DACH2: variants seen among roughly 807,000 people sequenced by gnomAD.
The protein encoded by DACH2 is dachshund homolog 2.
In DACH2, 17 loss-of-function variants were observed where a neutral mutation model predicts 35.8. The ratio of observed to expected loss-of-function variants is 0.48; its 90% CI spans 0.33 to 0.71. The LOEUF is 0.71. DACH2 is among the 30% of genes least tolerant of loss of function. DACH2 has a pLI of 0.02. For missense variants in DACH2, 469 were observed against 472.7 expected, an observed-to-expected ratio of 0.99 and a Z score of 0.07; for synonymous variants, 195 against 177.3, an observed-to-expected ratio of 1.10 and a Z score of -0.79.
intron 9 of DACH2, 105 bp from the exon 10 acceptor site, chrX:86,814,583 C>G: frequency 2.5e-6 from 2 of 805,467 alleles, no homozygotes; most frequent in Non-Finnish European, 3.5e-6. Context: ...TGAAATATTT[C>G]TATATCTCTC....
chrX:86,734,691 A>ATG (rs1427652073), intron 6 of DACH2, among the ~76,000 whole-genome samples: 1 of 111,535 alleles, frequency 9.0e-6, no homozygotes, highest in Non-Finnish European at 1.9e-5. Flanking sequence ...ATAAAGTGTC[A>ATG]TGCTTCCAAT....
intron 7 of DACH2, among the ~76,000 whole-genome samples, chrX:86,788,625 C>A (rs1338206882): frequency 8.9e-6 from 1 of 112,110 alleles, no homozygotes; most frequent in Non-Finnish European, 1.9e-5. Context: ...AGCCACACTT[C>A]AACCTAATGA....
chrX:86,399,128 T>A (rs2036366579), intron 2 of DACH2, among the ~76,000 whole-genome samples: 1 of 112,137 alleles, frequency 8.9e-6, no homozygotes, highest in Admixed American at 9.5e-5. Flanking sequence ...CCCTGTACCA[T>A]TATGTAATGC....
chrX:86,797,396 A>G (rs2042249831), intron 7 of DACH2, among the ~76,000 whole-genome samples: 1 of 111,076 alleles, frequency 9.0e-6, no homozygotes, highest in African/African-American at 3.3e-5. Context: ...GCATAGACAT[A>G]GTTTTATATT....
chrX:86,157,270 G>A (rs2030579427), intron 1 of DACH2, among the ~76,000 whole-genome samples: 1 of 111,430 alleles, frequency 9.0e-6, no homozygotes, highest in Non-Finnish European at 1.9e-5. Flanking sequence ...TATAGCATTC[G>A]ATTGCAATTG....
intron 1 of DACH2, among the ~76,000 whole-genome samples, chrX:86,181,326 C>T (rs1388849169): frequency 2.7e-5 from 3 of 110,815 alleles, no homozygotes; most frequent in African/African-American, 9.9e-5. Flanking sequence ...CTAATGCTAT[C>T]TCTCCCCTAG....
chrX:86,225,451 C>T (rs1362974456), intron 1 of DACH2, among the ~76,000 whole-genome samples: 3 of 110,990 alleles, frequency 2.7e-5, no homozygotes, highest in African/African-American at 9.8e-5. Flanking sequence ...AAGAGATTTT[C>T]CCCTGTTAAT....
chrX:86,707,149 A>G (rs1365432235), intron 5 of DACH2, among the ~76,000 whole-genome samples: 3 of 110,759 alleles, frequency 2.7e-5, no homozygotes, highest in Non-Finnish European at 3.8e-5. Flanking sequence ...CAGAAAATAG[A>G]AGCCATCACT....
intron 2 of DACH2, among the ~76,000 whole-genome samples, chrX:86,494,886 T>C (rs755843130): frequency 2.1e-4 from 24 of 112,674 alleles, no homozygotes; most frequent in Admixed American, 6.6e-4. Context: ...TCACAAATGT[T>C]ACATGTAGTT....
intron 2 of DACH2, among the ~76,000 whole-genome samples, chrX:86,441,131 A>G (rs945487693): frequency 9.0e-6 from 1 of 111,689 alleles, no homozygotes; most frequent in East Asian, 2.8e-4. Flanking sequence ...ACAGGCATAT[A>G]GTGTATAGTA....
chrX:86,202,288 T>G (rs2032176768), intron 1 of DACH2, among the ~76,000 whole-genome samples: 1 of 111,253 alleles, frequency 9.0e-6, no homozygotes, highest in African/African-American at 3.3e-5. Context: ...TATAATACTA[T>G]AGACCTATGT....
chrX:86,662,293 G>C (rs139146397), intron 4 of DACH2, among the ~76,000 whole-genome samples: 1 of 111,280 alleles, frequency 9.0e-6, no homozygotes, highest in African/African-American at 3.3e-5. Context: ...TGGGACAAAG[G>C]CATGTCTATT....
intron 1 of DACH2, among the ~76,000 whole-genome samples, chrX:86,274,970 G>A (rs1238766894): frequency 9.0e-6 from 1 of 111,557 alleles, no homozygotes; most frequent in Non-Finnish European, 1.9e-5. Context: ...TGAGGAAATC[G>A]TCATATGGCC....
intron 2 of DACH2, among the ~76,000 whole-genome samples, chrX:86,462,268 T>C (rs1162924316): frequency 8.9e-6 from 1 of 111,981 alleles, no homozygotes; most frequent in Admixed American, 9.5e-5. Flanking sequence ...TATTTCTCTT[T>C]GATGCATTTT....
intron 7 of DACH2, among the ~76,000 whole-genome samples, chrX:86,775,864 C>A (rs1039625017): frequency 5.4e-5 from 6 of 111,626 alleles, no homozygotes; most frequent in African/African-American, 2.0e-4. Context: ...AAGGACTTTA[C>A]AATTATTAAC....
intron 2 of DACH2, among the ~76,000 whole-genome samples, chrX:86,479,991 C>CA (rs1279498847): frequency 8.9e-6 from 1 of 112,376 alleles, no homozygotes; most frequent in Non-Finnish European, 1.9e-5. Context: ...TTATTTAGTT[C>CA]ATTTTGTGAG....
At chrX:86,535,527 C>A (rs2038785569) in intron 3 of DACH2, among the ~76,000 whole-genome samples, 2 of 110,926 alleles carry the variant, frequency 1.8e-5, no homozygotes, top group Admixed American at 1.9e-4. Flanking sequence ...CACATTGAAC[C>A]CACATTAACA....
chrX:86,530,061 T>C (rs111898146), intron 3 of DACH2, among the ~76,000 whole-genome samples: 2,575 of 109,987 alleles, frequency 0.023, 78 homozygotes, highest in African/African-American at 0.081. Context: ...AGAATATCTA[T>C]TGACTTTTTT....
intron 3 of DACH2, among the ~76,000 whole-genome samples, chrX:86,606,553 A>T (rs1226894834): frequency 9.0e-6 from 1 of 111,309 alleles, no homozygotes; most frequent in Non-Finnish European, 1.9e-5. Flanking sequence ...CAGAGAAGAT[A>T]CTTGATATTA....
Sources: allele counts gnomAD v4.1 joint callset (sites outside exome capture counted in the v4.1 genomes callset), GRCh38; gene constraint gnomAD v4.1.1; transcripts MANE v1.5; gene names NCBI Gene and HGNC (gene_info 2026-07-23, HGNC 2026-07-21).